Variants in PACSIN3 observed in about 807,000 individuals in gnomAD.
PACSIN3 encodes the protein protein kinase C and casein kinase substrate in neurons 3.
PACSIN3 carries 34 observed loss-of-function variants against 56.1 expected under a neutral mutation model. The observed-to-expected ratio is 0.61, with a 90% CI of 0.46 to 0.81. The LOEUF is 0.81. Ranked by LOEUF, PACSIN3 falls within the 30% of genes least tolerant of loss-of-function variation. The probability of loss-of-function intolerance (pLI) is 0.00; values close to 1 mark genes in which losing one functional copy is unlikely to be tolerated. For synonymous variants in PACSIN3, 218 were observed against 229.8 expected (o/e 0.95, Z 0.46); for missense variants, 535 against 592.4 (o/e 0.90, Z 1.01).
chr11:47,177,626 A>AC lies in PACSIN3; in HGVS notation c.*304dup. 2.3e-6 allele frequency: 1 copy of AC among 438,454 alleles called. No homozygotes were observed. The highest frequency in any genetic ancestry group is 4.1e-6 in the Non-Finnish European group (1 of 242,882). 27.2% of individuals were successfully genotyped at this position (438,454 alleles called of 1,614,324 possible). On this transcript the variant is annotated 3_prime_UTR_variant, in exon 11 of 11. Transcript: ENST00000298838. ...CCAGAACTACACTCACCCCAAGCCC[A>AC]CCCCAGGAACCCCAAAGCAGAGGTC... is the stretch of plus-strand genomic sequence containing the variant.
chr11:47,179,297 C>A lies in PACSIN3; in HGVS notation c.780-18G>T, dbSNP rs370846491. Reference sequence around the variant, plus strand: ...CATGGAACCTATGACCCAAGGCACACCCCTCAGTCTAGGAAGTCTAGACCC... The same window carrying A: ...CATGGAACCTATGACCCAAGGCACAACCCTCAGTCTAGGAAGTCTAGACCC... On this transcript the variant is annotated intron_variant, in intron 7 of 10. Coordinates refer to ENST00000298838, the MANE Select transcript of PACSIN3 (RefSeq NM_016223.5). The surrounding 1 kb of genome is among the most constrained non-coding windows in gnomAD (Gnocchi z 4.4). 2.7e-4 allele frequency: 435 copies of A among 1,613,938 alleles called. No individual in the cohort carries two copies. The highest frequency in any genetic ancestry group is 3.5e-4 in the Non-Finnish European group (409 of 1,180,042).
At chr11:47,180,746 G>A in intron 4 of PACSIN3, 56 bp from the exon 5 acceptor site, 1 of 1,434,000 alleles carries the variant, frequency 7.0e-7, no homozygotes, top group East Asian at 2.4e-5. Context: ...AATGAGCCTA[G>A]CCCCTCTCAC....
At chr11:47,182,143 CAAAA>C (rs372259328) in intron 4 of PACSIN3, among the ~76,000 whole-genome samples, 2 of 54,544 alleles carry the variant, frequency 3.7e-5, no homozygotes, top group African/African-American at 7.2e-5. Flanking sequence ...CAAAACGTCT[CAAAA>C]AAAAAAAAAA....
At chr11:47,180,963 G>T (rs1160801664) in intron 4 of PACSIN3, among the ~76,000 whole-genome samples, 3 of 152,196 alleles carry the variant, frequency 2.0e-5, no homozygotes, top group Admixed American at 6.5e-5. Context: ...AAGCATTATG[G>T]CTACAACAGG....
intron 6 of PACSIN3, 96 bp downstream of exon 6, chr11:47,180,090 A>G (rs1419782711): frequency 9.7e-6 from 11 of 1,136,226 alleles, no homozygotes; most frequent in Non-Finnish European, 1.4e-5. Flanking sequence ...TAGGGTAATA[A>G]GGGTGCTGGG....
chr11:47,180,496 A>C lies in PACSIN3; in HGVS notation c.406T>G (p.Phe136Val). Reference sequence around the variant, plus strand: ...AGCCAGGGCTTCTGGGCCTTGCGGAAGCCGTCCTCGGCCGCCCGGCTCTCG... The same window carrying C: ...AGCCAGGGCTTCTGGGCCTTGCGGACGCCGTCCTCGGCCGCCCGGCTCTCG... The part of the protein sequence containing the change: ...FRESRAAEDG[F>V]RKAQKPWLKR... The change falls in exon 5 of 11, where the codon TTC becomes GTC. Residue 136 changes from phenylalanine (F) to valine (V), a missense_variant. Physicochemically the swap from Phe to Val is conservative, Grantham distance 50. Coordinates refer to ENST00000298838, the MANE Select transcript of PACSIN3 (RefSeq NM_016223.5). 4 of 1,603,960 alleles carry C rather than the reference A, an allele frequency of 2.5e-6. No individual in the cohort carries two copies. Among genetic ancestry groups the C allele is most frequent in the African/African-American group, 1.3e-5 (1 of 74,994 alleles).
At chr11:47,180,111 G>T in intron 6 of PACSIN3, 75 bp downstream of exon 6, 1 of 1,383,808 alleles carries the variant, frequency 7.2e-7, no homozygotes, top group Non-Finnish European at 1.0e-6. Context: ...GACTGGACAA[G>T]ATGTTCAGGG....
chr11:47,181,484 T>G (rs1398226230), intron 4 of PACSIN3, among the ~76,000 whole-genome samples: 2 of 151,882 alleles, frequency 1.3e-5, no homozygotes, highest in Non-Finnish European at 2.9e-5. Flanking sequence ...GCTTCCAGTT[T>G]CTCCTCTAGA....
chr11:47,182,660 A>G lies in PACSIN3; in HGVS notation c.54+14T>C. The G allele has an allele frequency of 2.5e-6, 4 of 1,610,220 alleles. No individual in the cohort carries two copies. The South Asian group carries it at 4.4e-5, about 18-fold the overall frequency. On this transcript the variant is annotated intron_variant, in intron 3 of 10. Coordinates refer to ENST00000298838, the MANE Select transcript of PACSIN3 (RefSeq NM_016223.5). Reference sequence around the variant, plus strand: ...CCCTAGACAAGTAGCTGAGCCCAGGACCCAGCTGCTCACCTCCCAGAAACT... The same window carrying G: ...CCCTAGACAAGTAGCTGAGCCCAGGGCCCAGCTGCTCACCTCCCAGAAACT...
Position 47,179,111 on chromosome 11 carries a change from G to GT in PACSIN3, c.900+47dup. 1 of 1,613,338 alleles carries GT rather than the reference G, an allele frequency of 6.2e-7. No homozygotes were observed. The highest frequency in any genetic ancestry group is 1.6e-4 in the Middle Eastern group (1 of 6,062). On this transcript the variant is annotated intron_variant, in intron 8 of 10. Transcript: ENST00000298838. This position sits in a 1 kb window ranked among gnomAD's most constrained non-coding sequence, Gnocchi z 4.4. ...TCATCCCTAGCCCTGGCCGAGCTGA[G>GT]TGGGAGCCCATCCCACCTCCCATCC...
chr11:47,177,991 C>T lies in PACSIN3; in HGVS notation c.1215G>A (p.Gln405=), dbSNP rs766876865. 5.6e-6 allele frequency: 9 copies of T among 1,614,154 alleles called. No homozygotes were observed. The highest frequency in any genetic ancestry group is 6.8e-6 in the Non-Finnish European group (8 of 1,180,004). ...ACAGGCCAATGCGGCCACTCTGCAACTGGCCTTGGCACCAGCCCTGCTCGT... is the reference window on the plus strand; with the variant it reads ...ACAGGCCAATGCGGCCACTCTGCAATTGGCCTTGGCACCAGCCCTGCTCGT... ...EEDEQGWCQG[Q]LQSGRIGLYP... Residue 405 remains glutamine, a synonymous_variant, in exon 11 of 11, where the codon CAG becomes CAA. Transcript: ENST00000298838.
Position 47,186,069 on chromosome 11 carries a change from C to T in PACSIN3, c.-104+280G>A, listed in dbSNP as rs1489159312. ...TCGGGGCGGGCGCGAGGCGAGCGGA[C>T]GGGGGCCCTCGAGGGGCCCCTGAAG... On this transcript the variant is annotated intron_variant, in intron 1 of 10. Transcript: ENST00000298838. This position sits in a 1 kb window ranked among gnomAD's most constrained non-coding sequence, Gnocchi z 4.5. 2.0e-5 allele frequency among the ~76,000 whole-genome samples: 3 copies of T among 151,956 alleles called. No individual in the cohort carries two copies. The highest frequency in any genetic ancestry group is 4.4e-5 in the Non-Finnish European group (3 of 67,904).
Position 47,178,260 on chromosome 11 carries a change from G to T in PACSIN3, c.1159+106C>A. 6.9e-7 allele frequency: 1 copy of T among 1,458,112 alleles called. No homozygotes were observed. The highest frequency in any genetic ancestry group is 9.4e-7 in the Non-Finnish European group (1 of 1,059,670). 90.3% of individuals were successfully genotyped at this position (1,458,112 alleles called of 1,614,324 possible). Reference sequence around the variant, plus strand: ...TATCTGGACCTGGAACAGCTGAAGGGACAGAGGACTGGCCCTTAAGAAGTG... The same window carrying T: ...TATCTGGACCTGGAACAGCTGAAGGTACAGAGGACTGGCCCTTAAGAAGTG... On this transcript the variant is annotated intron_variant, in intron 10 of 10. Transcript: ENST00000298838. This position sits in a 1 kb window ranked among gnomAD's most constrained non-coding sequence, Gnocchi z 4.2.
In PACSIN3 at chr11:47,178,457, T is replaced by G. The variant is rs775159049; in HGVS notation, c.1068A>C (p.Glu356Asp). The change falls in exon 10 of 11, where the codon GAA becomes GAC. Residue 356 changes from glutamate (E) to aspartate (D), a missense_variant. Coordinates refer to ENST00000298838, the MANE Select transcript of PACSIN3 (RefSeq NM_016223.5). This position sits in a 1 kb window ranked among gnomAD's most constrained non-coding sequence, Gnocchi z 4.2. ...GTGQDEEWSD[E>D]ESPRKAATGV... ...CGGTGGCAGCCTTCCGGGGACTCTC[T>G]TCATCTGACCACTCCTCATCCTGCC... 5.0e-5 allele frequency: 80 copies of G among 1,613,852 alleles called. No homozygotes were observed. The Middle Eastern group carries it at 3.5e-3, about 70-fold the overall frequency.
Position 47,177,978 on chromosome 11 carries a change from G to A in PACSIN3, c.1228C>T (p.Arg410Cys), listed in dbSNP as rs753557964. 6.2e-6 allele frequency: 10 copies of A among 1,614,094 alleles called. No individual in the cohort carries two copies. Among genetic ancestry groups the A allele is most frequent in the East Asian group, 4.5e-5 (2 of 44,890 alleles). The change falls in exon 11 of 11, where the codon CGC becomes TGC. Residue 410 changes from arginine (R) to cysteine (C), a missense_variant. Physicochemically the swap from Arg to Cys is radical, Grantham distance 180. Coordinates refer to ENST00000298838, the MANE Select transcript of PACSIN3 (RefSeq NM_016223.5). ...GWCQGQLQSGRIGLYPANYVE... is the reference protein window; with the variant it reads ...GWCQGQLQSGCIGLYPANYVE... ...TAGTTGGCAGGGTACAGGCCAATGC[G>A]GCCACTCTGCAACTGGCCTTGGCAC...
At position 47,178,129 on chromosome 11, in the gene PACSIN3, G is replaced by T; in HGVS notation, c.1160-83C>A. 2 of 1,319,418 alleles carry T rather than the reference G, an allele frequency of 1.5e-6. No individual in the cohort carries two copies. The highest frequency in any genetic ancestry group is 2.1e-6 in the Non-Finnish European group (2 of 937,302). 81.7% of individuals were successfully genotyped at this position (1,319,418 alleles called of 1,614,324 possible). On this transcript the variant is annotated intron_variant, in intron 10 of 10. Transcript: ENST00000298838. The surrounding 1 kb of genome is among the most constrained non-coding windows in gnomAD (Gnocchi z 4.2). ...ACTGGGTCAAGGACTGAGGGGGATG[G>T]TGTGGTCCCAGAGCCCAGCTAGCAA...
rs889574456 is a variant in PACSIN3, at chr11:47,177,756, C to T, written c.*175G>A. 1.3e-5 allele frequency: 8 copies of T among 635,362 alleles called. No individual in the cohort carries two copies. The highest frequency in any genetic ancestry group is 2.2e-5 in the Non-Finnish European group (8 of 359,316). 39.4% of individuals were successfully genotyped at this position (635,362 alleles called of 1,614,324 possible). ...CAGCCTAGACTCGTCCCTTCCCTAC[C>T]AGTCCCTTCCCTAGACAAAGGCCCC... On this transcript the variant is annotated 3_prime_UTR_variant, in exon 11 of 11. Transcript: ENST00000298838.
Position 47,178,043 on chromosome 11 carries a change from T to TC in PACSIN3, c.1162dup (p.Glu388GlyfsTer8). ...CTCCTCACTCATCTTCAGCAGCTCC[T>TC]CCCCTGGGGGAAAGGGGATTGGTCA... On this transcript the variant is annotated frameshift_variant, in exon 11 of 11. Coordinates refer to ENST00000298838, the MANE Select transcript of PACSIN3 (RefSeq NM_016223.5). LOFTEE classifies it high-confidence loss of function. The surrounding 1 kb of genome is among the most constrained non-coding windows in gnomAD (Gnocchi z 4.2). 1.2e-6 allele frequency: 2 copies of TC among 1,611,596 alleles called. No homozygotes were observed. Among genetic ancestry groups the TC allele is most frequent in the Non-Finnish European group, 1.7e-6 (2 of 1,178,028 alleles).
intron 1 of PACSIN3, among the ~76,000 whole-genome samples, chr11:47,183,977 AT>A (rs1953075726): frequency 6.6e-6 from 1 of 151,698 alleles, no homozygotes; most frequent in Non-Finnish European, 1.5e-5. Context: ...GTGAGCAGAG[AT>A]TATACCACCG....
Sources: gnomAD v4.1 joint callset for allele counts (sites outside exome capture counted in the v4.1 genomes callset) on GRCh38, gnomAD v4.1.1 for gene constraint, Gnocchi (gnomAD v3.1) non-coding constraint, MANE v1.5 for transcripts, NCBI Gene and HGNC (gene_info 2026-07-23, HGNC 2026-07-21) for gene names.